Variants in CFTR observed in about 807,000 individuals in gnomAD.
The protein encoded by CFTR is cystic fibrosis transmembrane conductance regulator.
In CFTR, 181 loss-of-function variants were observed where a neutral mutation model predicts 171.6. That is an observed-to-expected ratio of 1.05 (90% CI 0.93 to 1.19). The LOEUF (loss-of-function observed/expected upper bound fraction) is 1.19, where lower values mean the gene tolerates loss of function less well. Among genes scored for constraint, CFTR ranks in the 50% most tolerant of loss-of-function variants. CFTR has a pLI of 0.00. For synonymous variants in CFTR, 583 were observed against 608.0 expected, an observed-to-expected ratio of 0.96 and a Z score of 0.60; for missense variants, 1,968 against 1,734.7, an observed-to-expected ratio of 1.13 and a Z score of -2.39.
At chr7:117,582,694 A>G (rs1489585216) in intron 11 of CFTR, among the ~76,000 whole-genome samples, 1 of 152,228 alleles carries the variant, frequency 6.6e-6, no homozygotes, top group Non-Finnish European at 1.5e-5. Context: ...AAATAAAAAA[A>G]GAATCAGAGT....
intron 6 of CFTR, 61 bp from the exon 7 acceptor site, chr7:117,536,487 T>C (rs1236238610): frequency 6.7e-7 from 1 of 1,489,838 alleles, no homozygotes; most frequent in East Asian, 2.5e-5. Context: ...CAGTTCTTAA[T>C]AGATAATTTG....
chr7:117,543,841 A>G (rs1352586887), intron 9 of CFTR, among the ~76,000 whole-genome samples: 1 of 152,186 alleles, frequency 6.6e-6, no homozygotes, highest in African/African-American at 2.4e-5. Flanking sequence ...CGTCCATATA[A>G]ATGAGTCTTC....
At position 117,540,839 on chromosome 7, in the gene CFTR, G is replaced by A. The variant is rs1799040319; in HGVS notation, c.1116+493G>A. On this transcript the variant is annotated intron_variant, in intron 8 of 26. Coordinates refer to ENST00000003084, the MANE Select transcript of CFTR (RefSeq NM_000492.4). ...ATCTAGGCCAGAGGTTGCAAATGGT[G>A]TCCCATAGAACTAATTTTGGCTCCT... 2.6e-5 allele frequency among the ~76,000 whole-genome samples: 4 copies of A among 152,246 alleles called. No individual in the cohort carries two copies. The South Asian group carries it at 6.2e-4, about 24-fold the overall frequency.
chr7:117,529,664 T>G (rs1798824400), intron 3 of CFTR, among the ~76,000 whole-genome samples: 1 of 152,066 alleles, frequency 6.6e-6, no homozygotes, highest in Non-Finnish European at 1.5e-5. Flanking sequence ...GGGTTAGGGT[T>G]TCTTGTGGGG....
rs796903638 is a variant in CFTR at position 117,636,571 on chromosome 7, G to GT, written c.3718-5860dup. ...GTCATCCCGCTGTTTTGGATATTCT[G>GT]TTTTTTTCAGTTTTTTTTTCCTTCG... On this transcript the variant is annotated intron_variant, in intron 22 of 26. Coordinates refer to ENST00000003084, the MANE Select transcript of CFTR (RefSeq NM_000492.4). Among the ~76,000 whole-genome samples, 10 of 149,976 alleles carry GT rather than the reference G, an allele frequency of 6.7e-5. 2 individuals are homozygous for GT. Among genetic ancestry groups the GT allele is most frequent in the African/African-American group, 2.2e-4 (9 of 40,858 alleles).
chr7:117,663,672 C>T (rs995660533), intron 24 of CFTR, among the ~76,000 whole-genome samples: 2 of 152,022 alleles, frequency 1.3e-5, no homozygotes, highest in Non-Finnish European at 2.9e-5. Context: ...TCTCTGAAAT[C>T]ATAAGATTCT....
At chr7:117,644,180 A>G (rs1430131912) in intron 23 of CFTR, among the ~76,000 whole-genome samples, 1 of 151,972 alleles carries the variant, frequency 6.6e-6, no homozygotes, top group Admixed American at 6.6e-5. Flanking sequence ...CTTTTCATAT[A>G]TGTGTTTATG....
chr7:117,619,239 T>C (rs1792537064), intron 21 of CFTR, among the ~76,000 whole-genome samples: 1 of 152,214 alleles, frequency 6.6e-6, no homozygotes, highest in African/African-American at 2.4e-5. Context: ...GTCTTGTCTT[T>C]CTCCTATTCT....
At chr7:117,557,639 A>G (rs967859609) in intron 10 of CFTR, among the ~76,000 whole-genome samples, 5 of 152,044 alleles carry the variant, frequency 3.3e-5, no homozygotes, top group Non-Finnish European at 5.9e-5. Flanking sequence ...CATTGAATGT[A>G]TTTGGGCCTG....
At chr7:117,614,551 A>G in intron 20 of CFTR, 62 bp from the exon 21 acceptor site, 2 of 1,019,514 alleles carry the variant, frequency 2.0e-6, no homozygotes, top group Non-Finnish European at 3.1e-6. Context: ...AAGTGTGAAT[A>G]AAGTCGTTCA....
intron 13 of CFTR, 147 bp from the exon 14 acceptor site, chr7:117,591,787 C>A: frequency 1.9e-6 from 1 of 527,272 alleles, no homozygotes; most frequent in Non-Finnish European, 3.2e-6. Flanking sequence ...TTAATTACTA[C>A]AGAGTACTTA....
At position 117,480,059 on chromosome 7, in the gene CFTR, G is replaced by A; in HGVS notation, c.-36G>A. Reference sequence around the variant, plus strand: ...CTTTGGCATTAGGAGCTTGAGCCCAGACGGCCCTAGCAGGGACCCCAGCGC... The same window carrying A: ...CTTTGGCATTAGGAGCTTGAGCCCAAACGGCCCTAGCAGGGACCCCAGCGC... On this transcript the variant is annotated 5_prime_UTR_variant, in exon 1 of 27. Transcript: ENST00000003084. 1.9e-6 allele frequency: 3 copies of A among 1,607,356 alleles called. No homozygotes were observed. The South Asian group carries it at 3.3e-5, about 18-fold the overall frequency.
chr7:117,535,388 A>G lies in CFTR; in HGVS notation c.720A>G (p.Leu240=), dbSNP rs1344097861. The G allele has an allele frequency of 1.5e-5, 24 of 1,614,138 alleles. No homozygotes were observed. Among genetic ancestry groups the G allele is most frequent in the Non-Finnish European group, 2.0e-5 (24 of 1,179,998 alleles). The part of the protein sequence containing the change: ...LIVLALFQAG[L]GRMMMKYRDQ... ...TCCTTGCCCTTTTTCAGGCTGGGCT[A>G]GGGAGAATGATGATGAAGTACAGGT... is the stretch of plus-strand genomic sequence containing the variant. Residue 240 remains leucine, a synonymous_variant, in exon 6 of 27, where the codon CTA becomes CTG. Transcript: ENST00000003084.
At chr7:117,576,396 T>C (rs886805292) in intron 11 of CFTR, among the ~76,000 whole-genome samples, 3 of 152,136 alleles carry the variant, frequency 2.0e-5, no homozygotes, top group Non-Finnish European at 4.4e-5. Flanking sequence ...GTATTGTAAG[T>C]AATCTAGAGA....
chr7:117,562,161 A>G (rs753058799), intron 11 of CFTR, among the ~76,000 whole-genome samples: 2 of 152,180 alleles, frequency 1.3e-5, no homozygotes, highest in African/African-American at 2.4e-5. Context: ...ACTGTTAGAA[A>G]TAGTATTTCT....
intron 17 of CFTR, among the ~76,000 whole-genome samples, chr7:117,606,332 A>T (rs1286831580): frequency 6.6e-6 from 1 of 152,194 alleles, no homozygotes; most frequent in Non-Finnish European, 1.5e-5. Context: ...TTGTCATTAA[A>T]TGCAAGGTTG....
chr7:117,594,921 T>C lies in CFTR; in HGVS notation c.2491-9T>C. ...GTCTTATTGTAATAGCCATAATTCTTTTATTCAGGAGTGCTTTTTTGATGA... is the reference window on the plus strand; with the variant it reads ...GTCTTATTGTAATAGCCATAATTCTCTTATTCAGGAGTGCTTTTTTGATGA... On this transcript the variant is annotated splice_polypyrimidine_tract_variant and intron_variant, in intron 14 of 26. Transcript: ENST00000003084. 3 of 1,612,516 alleles carry C rather than the reference T, an allele frequency of 1.9e-6. No individual in the cohort carries two copies. Among genetic ancestry groups the C allele is most frequent in the Non-Finnish European group, 2.5e-6 (3 of 1,178,958 alleles).
rs1003407028 is a variant in CFTR at position 117,524,030 on chromosome 7, A to G, written c.274-6869A>G. On this transcript the variant is annotated intron_variant, in intron 3 of 26. Transcript: ENST00000003084. ...TATTTGCATACTTGCTTTGCAATGT[A>G]TTGTTTATCAGTAGTTCTATATTCT... 2.6e-5 allele frequency among the ~76,000 whole-genome samples: 4 copies of G among 152,180 alleles called. No individual in the cohort carries two copies. The South Asian group carries it at 8.3e-4, about 31-fold the overall frequency.
intron 10 of CFTR, among the ~76,000 whole-genome samples, chr7:117,556,369 A>G (rs1799355545): frequency 6.6e-6 from 1 of 151,836 alleles, no homozygotes; most frequent in South Asian, 2.1e-4. Context: ...AGCCATTAAT[A>G]TTATTGTTAC....
Sources: allele counts gnomAD v4.1 joint callset (sites outside exome capture counted in the v4.1 genomes callset), GRCh38; gene constraint gnomAD v4.1.1; transcripts MANE v1.5; gene names NCBI Gene and HGNC (gene_info 2026-07-23, HGNC 2026-07-21).